The following SH3TC1 variants were observed in gnomAD, a reference collection of about 807,000 sequenced individuals.
The protein encoded by SH3TC1 is SH3 domain and tetratricopeptide repeats 1.
In SH3TC1, 135 loss-of-function variants were observed where a neutral mutation model predicts 117.3. That is an observed-to-expected ratio of 1.15 (90% confidence interval 1.00 to 1.33). The LOEUF is 1.33. Among genes scored for constraint, SH3TC1 ranks in the 40% most tolerant of loss-of-function variants. The probability of loss-of-function intolerance (pLI) is 0.00; values close to 1 mark genes in which losing one functional copy is unlikely to be tolerated. For missense variants in SH3TC1, 2,092 were observed against 1,794.3 expected (o/e 1.17, Z -3.00); for synonymous variants, 898 against 816.9 (o/e 1.10, Z -1.69).
rs1337357120 is a variant in SH3TC1 at position 8,210,750 on chromosome 4, A to G, written c.247+928A>G. 7.1e-4 allele frequency among the ~76,000 whole-genome samples: 39 copies of G among 54,956 alleles called. No homozygotes were observed. The highest frequency in any genetic ancestry group is 3.2e-3 in the African/African-American group (37 of 11,424). The allele number at this position is 54,956 out of a possible 152,430, so 36.1% of individuals were successfully genotyped here. On this transcript the variant is annotated intron_variant, in intron 3 of 17. Coordinates refer to ENST00000245105, the MANE Select transcript of SH3TC1 (RefSeq NM_018986.5). The surrounding 1 kb of genome is among the most constrained non-coding windows in gnomAD (Gnocchi z 4.1). ...ACTCCAGCCTGGGCAACTTCTGAAA[A>G]AAAAAAAAAAAAAAAAAAAAAAAAG...
intron 1 of SH3TC1, among the ~76,000 whole-genome samples, chr4:8,202,823 C>T (rs1050917815): frequency 6.6e-6 from 1 of 152,236 alleles, no homozygotes; most frequent in African/African-American, 2.4e-5. Context: ...CATCACTATT[C>T]TGTCGAAATT....
At chr4:8,199,855 G>A (rs959502690) in intron 1 of SH3TC1, among the ~76,000 whole-genome samples, 2 of 152,274 alleles carry the variant, frequency 1.3e-5, no homozygotes, top group Non-Finnish European at 2.9e-5. Flanking sequence ...ACCCGGCACC[G>A]CAGTGGCTAT....
intron 16 of SH3TC1, 111 bp downstream of exon 16, chr4:8,236,539 C>G: frequency 7.3e-7 from 1 of 1,369,944 alleles, no homozygotes; most frequent in South Asian, 1.6e-5. Context: ...GGTCTCCTGT[C>G]CAGGCAGGCA....
At chr4:8,226,936 C>T (rs778470202) in intron 11 of SH3TC1, 44 bp from the exon 12 acceptor site, 1 of 1,438,352 alleles carries the variant, frequency 7.0e-7, no homozygotes, top group Non-Finnish European at 9.3e-7. Context: ...ACCCAGGACT[C>T]ACTGCTGGAC....
rs1436127562 is a variant in SH3TC1, at chr4:8,232,811, A to C, written c.3132-552A>C. ...GGAGATCGGCTCCAGCCTTGGCCTC[A>C]GGTTCACAGCAGGAAAATGGGCCAG... On this transcript the variant is annotated intron_variant, in intron 13 of 17. Coordinates refer to ENST00000245105, the MANE Select transcript of SH3TC1 (RefSeq NM_018986.5). 1.9e-5 allele frequency: 24 copies of C among 1,285,810 alleles called. No homozygotes were observed. The East Asian group carries it at 1.3e-3, about 71-fold the overall frequency. The allele number at this position is 1,285,810 out of a possible 1,614,324, so 79.7% of individuals were successfully genotyped here.
At chr4:8,222,690 T>TC (rs1383661766) in intron 9 of SH3TC1, 150 bp from the exon 10 acceptor site, 2 of 500,792 alleles carry the variant, frequency 4.0e-6, no homozygotes, top group African/African-American at 5.7e-5. Context: ...TTGTTGTTGT[T>TC]GTTGTTTTTA....
chr4:8,234,670 A>T (rs1721646739), intron 14 of SH3TC1, among the ~76,000 whole-genome samples: 1 of 152,142 alleles, frequency 6.6e-6, no homozygotes, highest in Non-Finnish European at 1.5e-5. Context: ...ACTGCTGAGC[A>T]CCTGTTGTAT....
rs1366501181 is a variant in SH3TC1, at chr4:8,237,569, G to A, written c.3652G>A (p.Ala1218Thr). ...GELAEHFYLK[A>T]LSLCNSPLEF... Reference sequence around the variant, plus strand: ...GCTGGCAGAGCACTTCTACCTCAAGGCCCTGTCGCTCTGCAACTCGCCGCT... The same window carrying A: ...GCTGGCAGAGCACTTCTACCTCAAGACCCTGTCGCTCTGCAACTCGCCGCT... The change falls in exon 17 of 18, where the codon GCC becomes ACC. Residue 1218 changes from alanine (A) to threonine (T), a missense_variant. Ala to Thr is a moderately conservative substitution (Grantham distance 58). Coordinates refer to ENST00000245105, the MANE Select transcript of SH3TC1 (RefSeq NM_018986.5). 3 of 1,612,214 alleles carry A rather than the reference G, an allele frequency of 1.9e-6. No individual in the cohort carries two copies. Among genetic ancestry groups the A allele is most frequent in the Middle Eastern group, 1.7e-4 (1 of 6,032 alleles).
At position 8,237,578 on chromosome 4, in the gene SH3TC1, C is replaced by T; in HGVS notation, c.3661C>T (p.Leu1221Phe). 1.9e-6 allele frequency: 3 copies of T among 1,612,470 alleles called. No homozygotes were observed. Among genetic ancestry groups the T allele is most frequent in the Non-Finnish European group, 2.5e-6 (3 of 1,179,644 alleles). Residue 1221 changes from leucine (L) to phenylalanine (F), a missense_variant, in exon 17 of 18, where the codon CTC becomes TTC. Leu to Phe is a conservative substitution (Grantham distance 22, BLOSUM62 0). Coordinates refer to ENST00000245105, the MANE Select transcript of SH3TC1 (RefSeq NM_018986.5). ...GCACTTCTACCTCAAGGCCCTGTCGCTCTGCAACTCGCCGCTGGAGTTTGA... is the reference window on the plus strand; with the variant it reads ...GCACTTCTACCTCAAGGCCCTGTCGTTCTGCAACTCGCCGCTGGAGTTTGA... ...AEHFYLKALS[L>F]CNSPLEFDEE...
chr4:8,232,001 G>A lies in SH3TC1; in HGVS notation c.2976G>A (p.Leu992=). ...GCCAGCTGCGGGCCGTCCAGCGGCT[G>A]TGCCACTTCTACAGCGCCGTCATGC... ...VESQLRAVQR[L]CHFYSAVMPS... Residue 992 remains leucine, a synonymous_variant, in exon 13 of 18, where the codon CTG becomes CTA. Transcript: ENST00000245105. 2 of 1,612,382 alleles carry A rather than the reference G, an allele frequency of 1.2e-6. No homozygotes were observed. The highest frequency in any genetic ancestry group is 1.1e-5 in the South Asian group (1 of 91,084).
chr4:8,191,918 G>A (rs921399561), intron 1 of SH3TC1, among the ~76,000 whole-genome samples: 11 of 152,076 alleles, frequency 7.2e-5, no homozygotes, highest in African/African-American at 2.7e-4. Flanking sequence ...GGGTCCGGCC[G>A]GGCTGTGTTT....
At chr4:8,219,576 C>T (rs867052854) in intron 9 of SH3TC1, 46 bp downstream of exon 9, 9 of 1,442,674 alleles carry the variant, frequency 6.2e-6, no homozygotes, top group Admixed American at 2.8e-5. Context: ...ACCCCCATCT[C>T]ACCTAAGGGG....
At position 8,206,708 on chromosome 4, in the gene SH3TC1, G is replaced by A. The variant is rs1038311845; in HGVS notation, c.172+1342G>A. Among the ~76,000 whole-genome samples the A allele has an allele frequency of 3.3e-5, 5 of 152,194 alleles. No homozygotes were observed. Among genetic ancestry groups the A allele is most frequent in the African/African-American group, 9.7e-5 (4 of 41,444 alleles). ...TCCTCATCAGCTCCTTCACCTCCTC[G>A]TCTTCTCTGGACAATTTCAGATAGA... is the stretch of plus-strand genomic sequence containing the variant. On this transcript the variant is annotated intron_variant, in intron 2 of 17. Transcript: ENST00000245105. This position sits in a 1 kb window ranked among gnomAD's most constrained non-coding sequence, Gnocchi z 5.5.
chr4:8,229,656 T>G (rs928444281), intron 12 of SH3TC1, among the ~76,000 whole-genome samples: 1 of 151,640 alleles, frequency 6.6e-6, no homozygotes, highest in Non-Finnish European at 1.5e-5. Flanking sequence ...CCTCAGGCTG[T>G]GGCTTGGCCT....
At chr4:8,236,966 G>A (rs1277325287) in intron 16 of SH3TC1, 1 of 162,988 alleles carries the variant, frequency 6.1e-6, no homozygotes, top group African/African-American at 2.4e-5. Context: ...GCAGCCGCGT[G>A]GGAATGCATT....
intron 17 of SH3TC1, among the ~76,000 whole-genome samples, chr4:8,237,981 G>A: frequency 6.6e-6 from 1 of 152,200 alleles, no homozygotes; most frequent in East Asian, 1.9e-4. Flanking sequence ...CCAAAGCTGA[G>A]TCTTGGCAGT....
In SH3TC1 at chr4:8,206,830, C is replaced by T. The variant is rs1018424773; in HGVS notation, c.172+1464C>T. 1.0e-4 allele frequency among the ~76,000 whole-genome samples: 14 copies of T among 138,370 alleles called. No homozygotes were observed. Among genetic ancestry groups the T allele is most frequent in the African/African-American group, 4.1e-4 (14 of 34,114 alleles). 90.8% of individuals were successfully genotyped at this position (138,370 alleles called of 152,430 possible). On this transcript the variant is annotated intron_variant, in intron 2 of 17. Transcript: ENST00000245105. This position sits in a 1 kb window ranked among gnomAD's most constrained non-coding sequence, Gnocchi z 5.5. ...TTAGGACTTTTACTTTGTGTGTGTACTCGTGTGTGTGTGTGTGTGTGTGTG... is the reference window on the plus strand; with the variant it reads ...TTAGGACTTTTACTTTGTGTGTGTATTCGTGTGTGTGTGTGTGTGTGTGTG...
At chr4:8,233,238 C>G in intron 13 of SH3TC1, 125 bp from the exon 14 acceptor site, 2 of 1,453,298 alleles carry the variant, frequency 1.4e-6, no homozygotes, top group Admixed American at 2.8e-5. Context: ...GGGCAGGACA[C>G]TGCACACACA....
intron 1 of SH3TC1, chr4:8,201,620 T>G (rs1717849584): frequency 6.6e-6 from 1 of 152,408 alleles, no homozygotes; most frequent in Admixed American, 6.5e-5. Flanking sequence ...TGGCTGGGCC[T>G]GCAGGGCTGA....
Sources: allele counts gnomAD v4.1 joint callset (sites outside exome capture counted in the v4.1 genomes callset), GRCh38; gene constraint gnomAD v4.1.1; non-coding constraint Gnocchi (gnomAD v3.1); transcripts MANE v1.5; gene names NCBI Gene and HGNC (gene_info 2026-07-23, HGNC 2026-07-21).